Variants in CYTH1 observed in about 807,000 individuals in gnomAD.
The protein encoded by CYTH1 is cytohesin 1.
CYTH1 carries 18 observed loss-of-function variants against 61.8 expected under a neutral mutation model. The observed-to-expected ratio is 0.29, with a 90% confidence interval of 0.20 to 0.43. CYTH1 has a LOEUF of 0.43. Ranked by LOEUF, CYTH1 falls within the 20% of genes least tolerant of loss-of-function variation. The pLI is 1.00. For missense variants in CYTH1, 336 were observed against 510.5 expected, an observed-to-expected ratio of 0.66 and a Z score of 3.29; for synonymous variants, 174 against 184.3, an observed-to-expected ratio of 0.94 and a Z score of 0.45.
intron 1 of CYTH1, among the ~76,000 whole-genome samples, chr17:78,759,145 T>C (rs987246368): frequency 2.0e-5 from 3 of 152,174 alleles, no homozygotes; most frequent in Admixed American, 1.3e-4. Context: ...TTCTCAATGT[T>C]TGCCAAAGTG....
chr17:78,732,007 C>A (rs935350286), intron 1 of CYTH1, among the ~76,000 whole-genome samples: 1 of 152,158 alleles, frequency 6.6e-6, no homozygotes, highest in Admixed American at 6.5e-5. Context: ...CAGGTTCCTG[C>A]GAACCCTCCT....
chr17:78,732,106 C>T (rs1396795191), intron 1 of CYTH1, among the ~76,000 whole-genome samples: 1 of 152,220 alleles, frequency 6.6e-6, no homozygotes, highest in Non-Finnish European at 1.5e-5. Flanking sequence ...TCTGCATCTA[C>T]AGTCCCTGAC....
intron 1 of CYTH1, among the ~76,000 whole-genome samples, chr17:78,740,753 T>C (rs1326679119): frequency 6.6e-6 from 1 of 152,240 alleles, no homozygotes; most frequent in Non-Finnish European, 1.5e-5. Flanking sequence ...AAATGGGTAC[T>C]ATTAATAATT....
rs1447825954 is a variant in CYTH1 at position 78,760,485 on chromosome 17, G to A, written c.22+21717C>T. Among the ~76,000 whole-genome samples the A allele has an allele frequency of 5.6e-3, 184 of 32,670 alleles. 21 individuals are homozygous for A. Among genetic ancestry groups the A allele is most frequent in the African/African-American group, 0.023 (165 of 7,070 alleles). 21.4% of individuals were successfully genotyped at this position (32,670 alleles called of 152,430 possible). A position where few individuals can be genotyped will look rare whatever the true frequency, so the allele number is the denominator to read the frequency against. ...CATATATATATGTATATATATGTATGTATATATATATACATATATATGTAT... is the reference window on the plus strand; with the variant it reads ...CATATATATATGTATATATATGTATATATATATATATACATATATATGTAT... On this transcript the variant is annotated intron_variant, in intron 1 of 13. Coordinates refer to ENST00000446868, the MANE Select transcript of CYTH1 (RefSeq NM_004762.6).
At chr17:78,745,702 G>A (rs1442761129) in intron 1 of CYTH1, among the ~76,000 whole-genome samples, 1 of 152,102 alleles carries the variant, frequency 6.6e-6, no homozygotes, top group African/African-American at 2.4e-5. Context: ...GACCATCTTG[G>A]CCAACATGGT....
At chr17:78,698,694 G>T in intron 8 of CYTH1, 126 bp downstream of exon 8, 1 of 1,190,606 alleles carries the variant, frequency 8.4e-7, no homozygotes, top group Non-Finnish European at 1.1e-6. Flanking sequence ...AAATTCACAT[G>T]GTTAAACAAA....
intron 1 of CYTH1, among the ~76,000 whole-genome samples, chr17:78,776,861 C>T (rs1224164340): frequency 6.6e-6 from 1 of 151,404 alleles, no homozygotes; most frequent in East Asian, 1.9e-4. Context: ...TGCAGTGGCT[C>T]ACACCTGTAA....
At chr17:78,772,247 C>T (rs926577704) in intron 1 of CYTH1, among the ~76,000 whole-genome samples, 6 of 152,146 alleles carry the variant, frequency 3.9e-5, no homozygotes, top group African/African-American at 1.2e-4. Context: ...AGACTCGACA[C>T]GGCTCTCAAG....
chr17:78,690,277 C>CCAG (rs1426381815), intron 11 of CYTH1, among the ~76,000 whole-genome samples: 1 of 151,276 alleles, frequency 6.6e-6, no homozygotes, highest in Non-Finnish European at 1.5e-5. Context: ...GCCTGTAGTC[C>CCAG]CAGCTACTCC....
intron 1 of CYTH1, among the ~76,000 whole-genome samples, chr17:78,764,140 TTTC>T (rs778583609): frequency 5.9e-5 from 9 of 151,856 alleles, no homozygotes; most frequent in African/African-American, 1.5e-4. Flanking sequence ...GAATAATCAT[TTTC>T]TTCTTTTTAT....
At chr17:78,779,839 T>C (rs972853287) in intron 1 of CYTH1, among the ~76,000 whole-genome samples, 1 of 152,238 alleles carries the variant, frequency 6.6e-6, no homozygotes, top group African/African-American at 2.4e-5. Context: ...TTTGGACTTC[T>C]GACAGCAGAA....
rs899471178 is a variant in CYTH1 at position 78,690,894 on chromosome 17, G to A, written c.891+1523C>T. On this transcript the variant is annotated intron_variant, in intron 11 of 13. Coordinates refer to ENST00000446868, the MANE Select transcript of CYTH1 (RefSeq NM_004762.6). ...AGAAGTACACCACTTAGATGCTTATGTATCATTTTGACCCAGAAAATAGCG... is the reference window on the plus strand; with the variant it reads ...AGAAGTACACCACTTAGATGCTTATATATCATTTTGACCCAGAAAATAGCG... Among the ~76,000 whole-genome samples, 7 of 152,228 alleles carry A rather than the reference G, an allele frequency of 4.6e-5. No individual in the cohort carries two copies. In the East Asian group the frequency reaches 1.2e-3, roughly 25 times the overall value.
chr17:78,711,730 T>TTTAAAAAAAGTG (rs1332587859), intron 1 of CYTH1, among the ~76,000 whole-genome samples: 1 of 151,720 alleles, frequency 6.6e-6, no homozygotes, highest in Non-Finnish European at 1.5e-5. Flanking sequence ...TTAACCTAGG[T>TTTAAAAAAAGTG]TTTCCCCAAC....
intron 12 of CYTH1, 127 bp from the exon 13 acceptor site, chr17:78,680,471 T>G (rs1284942517): frequency 7.1e-6 from 8 of 1,119,542 alleles, no homozygotes; most frequent in Non-Finnish European, 9.9e-6. Flanking sequence ...CATATTTTCC[T>G]GTGGAAAAGT....
chr17:78,737,835 G>A (rs1227878436), intron 1 of CYTH1, among the ~76,000 whole-genome samples: 1 of 150,738 alleles, frequency 6.6e-6, no homozygotes, highest in African/African-American at 2.5e-5. Flanking sequence ...CCAGACTTTT[G>A]TTATAAGTAT....
chr17:78,679,511 A>G (rs1261667563), intron 13 of CYTH1, among the ~76,000 whole-genome samples: 3 of 152,224 alleles, frequency 2.0e-5, no homozygotes, highest in Non-Finnish European at 2.9e-5. Flanking sequence ...ACCAAGTCCC[A>G]GGGAAGAACA....
intron 1 of CYTH1, among the ~76,000 whole-genome samples, chr17:78,776,947 G>A (rs147719384): frequency 6.6e-6 from 1 of 151,708 alleles, no homozygotes; most frequent in African/African-American, 2.4e-5. Flanking sequence ...CCAACATGGA[G>A]AAACCCTGTC....
intron 1 of CYTH1, among the ~76,000 whole-genome samples, chr17:78,758,045 A>G (rs367734818): frequency 3.3e-4 from 51 of 152,362 alleles, no homozygotes; most frequent in Non-Finnish European, 6.3e-4. Flanking sequence ...TTGGCAGTAC[A>G]TATCAAGAGA....
At chr17:78,754,721 C>T (rs2093394083) in intron 1 of CYTH1, among the ~76,000 whole-genome samples, 1 of 151,510 alleles carries the variant, frequency 6.6e-6, no homozygotes, top group Non-Finnish European at 1.5e-5. Context: ...TTTTATGTCA[C>T]TTTTTTAAGG....
Sources: gnomAD v4.1 joint callset for allele counts (sites outside exome capture counted in the v4.1 genomes callset) on GRCh38, gnomAD v4.1.1 for gene constraint, MANE v1.5 for transcripts, NCBI Gene and HGNC (gene_info 2026-07-23, HGNC 2026-07-21) for gene names.